Variants in TOX2 observed in about 807,000 individuals in gnomAD.
TOX2 encodes TOX high mobility group box family member 2.
TOX2 carries 15 observed loss-of-function variants against 47.4 expected under a neutral mutation model. The ratio of observed to expected loss-of-function variants is 0.32; its 90% CI spans 0.21 to 0.49. The LOEUF is 0.49. Ranked by LOEUF, TOX2 falls within the 20% of genes least tolerant of loss-of-function variation. The probability of loss-of-function intolerance (pLI) is 0.99; values close to 1 mark genes in which losing one functional copy is unlikely to be tolerated. For synonymous variants in TOX2, 290 were observed against 296.6 expected (o/e 0.98, Z 0.23); for missense variants, 622 against 673.1 (o/e 0.92, Z 0.84).
rs560315649 is a variant in TOX2, at chr20:43,977,234, C to T, written c.165+3802C>T. ...TCTCCAGCCTCAGCCTCCCGAGTAGCTGGGATTACAGGTGCCTGCCACCAC... is the reference window on the plus strand; with the variant it reads ...TCTCCAGCCTCAGCCTCCCGAGTAGTTGGGATTACAGGTGCCTGCCACCAC... On this transcript the variant is annotated intron_variant, in intron 2 of 8. Transcript: ENST00000341197. Among the ~76,000 whole-genome samples, 40 of 152,294 alleles carry T rather than the reference C, an allele frequency of 2.6e-4. No homozygotes were observed. In the East Asian group the frequency reaches 7.3e-3, roughly 28 times the overall value.
intron 1 of TOX2, among the ~76,000 whole-genome samples, chr20:43,940,541 C>A (rs1193613362): frequency 6.6e-6 from 1 of 151,440 alleles, no homozygotes; most frequent in East Asian, 1.9e-4. Flanking sequence ...TTTTTTCCCC[C>A]AGGAAAACTC....
intron 3 of TOX2, among the ~76,000 whole-genome samples, chr20:44,024,397 A>T (rs1267445498): frequency 2.2e-5 from 2 of 91,430 alleles, no homozygotes; most frequent in Non-Finnish European, 4.6e-5. Context: ...CTTTCTCTTA[A>T]TGTTTTCCCT....
In TOX2 at chr20:44,054,514, G is replaced by A. The variant is rs1200164663; in HGVS notation, c.867G>A (p.Glu289=). ...CCTCCATGTGGGACAGCCTGGGAGA[G>A]GAACAGAAGCAGGTGAGCCTCCCTC... ...IVASMWDSLG[E]EQKQAYKRKT... is the part of the protein sequence containing the mutation. The change falls in exon 5 of 9, where the codon GAG becomes GAA. Residue 289 remains glutamate (E), a synonymous_variant. Transcript: ENST00000341197. 2.5e-6 allele frequency: 4 copies of A among 1,613,824 alleles called. No individual in the cohort carries two copies. The highest frequency in any genetic ancestry group is 1.7e-5 in the Admixed American group (1 of 59,974).
Position 44,068,990 on chromosome 20 carries a change from C to CCCAGCT in TOX2, c.*310_*315dup. 5.8e-6 allele frequency: 3 copies of CCCAGCT among 518,240 alleles called. No individual in the cohort carries two copies. Among genetic ancestry groups the CCCAGCT allele is most frequent in the Middle Eastern group, 3.1e-4 (1 of 3,234 alleles). 32.1% of individuals were successfully genotyped at this position (518,240 alleles called of 1,614,324 possible). Reference sequence around the variant, plus strand: ...GGTACCCTATGTCTGGACACCCGGCCCCAGCTCCAGCCCCAGCCCAGGTGG... The same window carrying CCCAGCT: ...GGTACCCTATGTCTGGACACCCGGCCCCAGCTCCAGCTCCAGCCCCAGCCCAGGTGG... On this transcript the variant is annotated 3_prime_UTR_variant, in exon 9 of 9. Transcript: ENST00000341197.
chr20:43,951,707 G>GTTTGTTTT (rs2069571364), intron 1 of TOX2, among the ~76,000 whole-genome samples: 1 of 55,098 alleles, frequency 1.8e-5, no homozygotes, highest in Non-Finnish European at 3.9e-5. Flanking sequence ...AACTTATTAT[G>GTTTGTTTT]TTTTTTTTTT....
rs557842383 is a variant in TOX2, at chr20:44,034,162, C to A, written c.412-17144C>A. 3.7e-4 allele frequency among the ~76,000 whole-genome samples: 56 copies of A among 152,182 alleles called. 1 individual carries two copies. The highest frequency in any genetic ancestry group is 1.2e-3 in the African/African-American group (50 of 41,536). ...ATCGCACTGGCCCATGCCTCAGTGC[C>A]TTTGCATGTGCCGTTCTTGCTCCTG... On this transcript the variant is annotated intron_variant, in intron 3 of 8. Transcript: ENST00000341197.
chr20:44,015,619 A>T (rs529314236), intron 3 of TOX2, among the ~76,000 whole-genome samples: 1 of 152,356 alleles, frequency 6.6e-6, no homozygotes, highest in East Asian at 1.9e-4. Context: ...ATAAGGAAAA[A>T]TTCAATTCTT....
Position 43,916,988 on chromosome 20 carries a change from A to G in TOX2, c.99+1998A>G, listed in dbSNP as rs2069061885. On this transcript the variant is annotated intron_variant, in intron 1 of 8. Transcript: ENST00000341197. The surrounding 1 kb of genome is among the most constrained non-coding windows in gnomAD (Gnocchi z 5.0). The stretch of plus-strand genomic sequence containing the variant: ...TCAGGGAGGGAATGAGAAGCCGGCG[A>G]TTCTGGTTTCTTTCTGTGTGGGATG... Among the ~76,000 whole-genome samples the G allele has an allele frequency of 6.7e-6, 1 of 148,152 alleles. No homozygotes were observed. Among genetic ancestry groups the G allele is most frequent in the African/African-American group, 2.5e-5 (1 of 40,678 alleles).
At chr20:43,972,251 C>G (rs189554474) in intron 1 of TOX2, among the ~76,000 whole-genome samples, 53 of 152,288 alleles carry the variant, frequency 3.5e-4, no homozygotes, top group Non-Finnish European at 5.9e-4. Context: ...ACTTCCTTAC[C>G]TGGGCTACAA....
intron 1 of TOX2, among the ~76,000 whole-genome samples, chr20:43,930,320 CAT>C (rs1014525083): frequency 6.6e-6 from 1 of 152,184 alleles, no homozygotes; most frequent in African/African-American, 2.4e-5. Flanking sequence ...GGATTAAACA[CAT>C]ATATGTGAGG....
chr20:43,933,503 G>GGGGC (rs760996102), intron 1 of TOX2, among the ~76,000 whole-genome samples: 5 of 152,346 alleles, frequency 3.3e-5, no homozygotes, highest in Admixed American at 6.5e-5. Flanking sequence ...TGCTGCTCAG[G>GGGGC]GGGCCATGCT....
chr20:43,917,827 T>A (rs571632955), intron 1 of TOX2, among the ~76,000 whole-genome samples: 1 of 152,330 alleles, frequency 6.6e-6, no homozygotes, highest in Admixed American at 6.5e-5. Flanking sequence ...GAAAAATAGC[T>A]TAACAGGTAT....
intron 1 of TOX2, among the ~76,000 whole-genome samples, chr20:43,924,808 C>G (rs1159967449): frequency 1.3e-5 from 2 of 152,198 alleles, no homozygotes; most frequent in African/African-American, 4.8e-5. Flanking sequence ...TTGTAAGACA[C>G]ACAGAAGTAT....
At chr20:43,926,556 C>T (rs1484116866) in intron 1 of TOX2, among the ~76,000 whole-genome samples, 1 of 152,108 alleles carries the variant, frequency 6.6e-6, no homozygotes. Context: ...TTAGGTGAAC[C>T]GAGCCCTCTG....
intron 3 of TOX2, among the ~76,000 whole-genome samples, chr20:44,026,511 A>G (rs557468359): frequency 6.6e-6 from 1 of 151,842 alleles, no homozygotes; most frequent in Non-Finnish European, 1.5e-5. Flanking sequence ...GCATATTTTG[A>G]ACTAAAAATT....
At chr20:43,934,653 A>G (rs1457666786) in intron 1 of TOX2, among the ~76,000 whole-genome samples, 1 of 152,012 alleles carries the variant, frequency 6.6e-6, no homozygotes, top group Non-Finnish European at 1.5e-5. Context: ...TGGATTCTGT[A>G]TGGGGAGCCA....
chr20:44,013,780 G>C (rs1040339243), intron 3 of TOX2, among the ~76,000 whole-genome samples: 1 of 152,040 alleles, frequency 6.6e-6, no homozygotes, highest in African/African-American at 2.4e-5. Context: ...GCTTGGCCCA[G>C]GGTCAGCTGA....
intron 1 of TOX2, among the ~76,000 whole-genome samples, chr20:43,920,821 T>G (rs2069105268): frequency 6.6e-6 from 1 of 152,200 alleles, no homozygotes; most frequent in Non-Finnish European, 1.5e-5. Flanking sequence ...GAATGTCATT[T>G]CTAACTGTGG....
chr20:44,049,149 G>A (rs1216772586), intron 3 of TOX2, among the ~76,000 whole-genome samples: 1 of 152,164 alleles, frequency 6.6e-6, no homozygotes, highest in East Asian at 1.9e-4. Context: ...AACACTTTAA[G>A]CATTAAAAGG....
Sources: allele counts gnomAD v4.1 joint callset (sites outside exome capture counted in the v4.1 genomes callset), GRCh38; gene constraint gnomAD v4.1.1; non-coding constraint Gnocchi (gnomAD v3.1); transcripts MANE v1.5; gene names NCBI Gene and HGNC (gene_info 2026-07-23, HGNC 2026-07-21).